HPCAL1: variants seen among roughly 807,000 people sequenced by gnomAD.
HPCAL1 encodes hippocalcin-like protein 1.
A neutral mutation model predicts 17.1 loss-of-function variants in HPCAL1; 8 were observed. That is an observed-to-expected ratio of 0.47 (90% CI 0.27 to 0.84). HPCAL1 has a LOEUF of 0.84. HPCAL1 is among the 40% of genes least tolerant of loss of function. HPCAL1 has a pLI of 0.13. For missense variants in HPCAL1, 165 were observed against 271.1 expected (o/e 0.61, Z 2.75); for synonymous variants, 112 against 111.4 (o/e 1.01, Z -0.03).
chr2:10,323,620 G>C lies in HPCAL1; in HGVS notation c.-111+20443G>C, dbSNP rs1156771251. 6.6e-6 allele frequency among the ~76,000 whole-genome samples: 1 copy of C among 152,224 alleles called. No individual in the cohort carries two copies. The highest frequency in any genetic ancestry group is 1.5e-5 in the Non-Finnish European group (1 of 68,044). ...CCCAGTGGTGTACTACCTTAGGTAA[G>C]CACCAGTTGCGCCTCACTCTAATGA... On this transcript the variant is annotated intron_variant, in intron 1 of 4. Transcript: ENST00000307845. This position sits in a 1 kb window ranked among gnomAD's most constrained non-coding sequence, Gnocchi z 4.6.
Position 10,323,362 on chromosome 2 carries a change from A to C in HPCAL1, c.-111+20185A>C, listed in dbSNP as rs1224065505. ...CCTTTCAGGGGGAATGGCGTAAAAA[A>C]GCCTTCCTTTCCAGTAGACAGAGTG... On this transcript the variant is annotated intron_variant, in intron 1 of 4. Coordinates refer to ENST00000307845, the MANE Select transcript of HPCAL1 (RefSeq NM_002149.4). The surrounding 1 kb of genome is among the most constrained non-coding windows in gnomAD (Gnocchi z 4.6). 1.3e-5 allele frequency among the ~76,000 whole-genome samples: 2 copies of C among 152,220 alleles called. No homozygotes were observed. Among genetic ancestry groups the C allele is most frequent in the Non-Finnish European group, 2.9e-5 (2 of 68,036 alleles).
chr2:10,383,103 C>T (rs775059019), intron 1 of HPCAL1, among the ~76,000 whole-genome samples: 4 of 152,202 alleles, frequency 2.6e-5, no homozygotes, highest in East Asian at 3.9e-4. Flanking sequence ...CTGGGCGCGG[C>T]GGCTCATGCC....
chr2:10,316,579 T>A (rs1572623129), intron 1 of HPCAL1, among the ~76,000 whole-genome samples: 4 of 152,182 alleles, frequency 2.6e-5, no homozygotes. Flanking sequence ...TTTTCAGAGG[T>A]TTAATCTGTT....
Position 10,343,249 on chromosome 2 carries a change from T to G in HPCAL1, c.-111+40072T>G, listed in dbSNP as rs898669433. Among the ~76,000 whole-genome samples the G allele has an allele frequency of 6.6e-6, 1 of 152,116 alleles. No homozygotes were observed. Among genetic ancestry groups the G allele is most frequent in the African/African-American group, 2.4e-5 (1 of 41,410 alleles). ...TAGCACACCATGGAGGCCTGCCCCG[T>G]CCCCATAAAACACACCACATTCAAA... On this transcript the variant is annotated intron_variant, in intron 1 of 4. Coordinates refer to ENST00000307845, the MANE Select transcript of HPCAL1 (RefSeq NM_002149.4). The surrounding 1 kb of genome is among the most constrained non-coding windows in gnomAD (Gnocchi z 4.8).
At position 10,384,750 on chromosome 2, in the gene HPCAL1, T is replaced by C. The variant is rs186516318; in HGVS notation, c.-110-12085T>C. ...GCAGTGGCAGCCGGGGCTGGCACTTTTAAAGAAAGCCTCAAGACTTCTCTT... is the reference window on the plus strand; with the variant it reads ...GCAGTGGCAGCCGGGGCTGGCACTTCTAAAGAAAGCCTCAAGACTTCTCTT... On this transcript the variant is annotated intron_variant, in intron 1 of 4. Transcript: ENST00000307845. This position sits in a 1 kb window ranked among gnomAD's most constrained non-coding sequence, Gnocchi z 4.4. 2.6e-5 allele frequency among the ~76,000 whole-genome samples: 4 copies of C among 152,278 alleles called. No individual in the cohort carries two copies. The highest frequency in any genetic ancestry group is 1.3e-4 in the Admixed American group (2 of 15,306).
intron 1 of HPCAL1, among the ~76,000 whole-genome samples, chr2:10,340,425 G>A (rs1409566369): frequency 6.6e-6 from 1 of 152,186 alleles, no homozygotes; most frequent in African/African-American, 2.4e-5. Flanking sequence ...GACTGGTGGT[G>A]GAATGTTCTA....
rs551930690 is a variant in HPCAL1 at position 10,340,636 on chromosome 2, G to A, written c.-111+37459G>A. 2.0e-5 allele frequency among the ~76,000 whole-genome samples: 3 copies of A among 152,196 alleles called. No individual in the cohort carries two copies. The East Asian group carries it at 5.8e-4, about 29-fold the overall frequency. ...AGTCTGTAAGCGGCAGAGCTGGGAC[G>A]CAACCCCAAGCTTGCTGCTCTCAAA... On this transcript the variant is annotated intron_variant, in intron 1 of 4. Transcript: ENST00000307845.
At chr2:10,308,420 T>C (rs1663458128) in intron 1 of HPCAL1, among the ~76,000 whole-genome samples, 1 of 152,168 alleles carries the variant, frequency 6.6e-6, no homozygotes, top group Non-Finnish European at 1.5e-5. Flanking sequence ...ACAAACTCCC[T>C]GTCCCCGTCC....
intron 3 of HPCAL1, among the ~76,000 whole-genome samples, chr2:10,421,422 C>T (rs1671056580): frequency 6.6e-6 from 1 of 152,156 alleles, no homozygotes; most frequent in African/African-American, 2.4e-5. Flanking sequence ...GCATCCAATT[C>T]TAGAACTCAT....
At chr2:10,416,983 A>G (rs1670713306) in intron 2 of HPCAL1, among the ~76,000 whole-genome samples, 1 of 152,206 alleles carries the variant, frequency 6.6e-6, no homozygotes, top group Non-Finnish European at 1.5e-5. Flanking sequence ...GGCAAACTGC[A>G]GTTGGAGAGG....
intron 2 of HPCAL1, among the ~76,000 whole-genome samples, chr2:10,399,477 A>C (rs1391614703): frequency 7.5e-6 from 1 of 132,868 alleles, no homozygotes; most frequent in African/African-American, 2.8e-5. Flanking sequence ...CACCATCATC[A>C]CCACCATCAC....
intron 4 of HPCAL1, chr2:10,423,813 C>T (rs1001968598): frequency 6.5e-6 from 1 of 152,778 alleles, no homozygotes; most frequent in Non-Finnish European, 1.5e-5. Context: ...AAAATACAGG[C>T]TGGGCGCAGT....
intron 1 of HPCAL1, among the ~76,000 whole-genome samples, chr2:10,370,415 A>G (rs556478786): frequency 1.6e-4 from 25 of 152,346 alleles, no homozygotes; most frequent in African/African-American, 5.8e-4. Flanking sequence ...GTTCCAACCC[A>G]TACAAGCCCT....
At chr2:10,315,528 C>G (rs956592074) in intron 1 of HPCAL1, among the ~76,000 whole-genome samples, 10 of 152,152 alleles carry the variant, frequency 6.6e-5, no homozygotes, top group African/African-American at 2.4e-4. Context: ...ACTCCAAATA[C>G]CCATCCTTTA....
chr2:10,405,307 A>G (rs920599625), intron 2 of HPCAL1, among the ~76,000 whole-genome samples: 1 of 152,198 alleles, frequency 6.6e-6, no homozygotes, highest in African/African-American at 2.4e-5. Flanking sequence ...TCAATTTTAC[A>G]GAGGAGCAAA....
At position 10,359,275 on chromosome 2, in the gene HPCAL1, G is replaced by A. The variant is rs908684646; in HGVS notation, c.-110-37560G>A. On this transcript the variant is annotated intron_variant, in intron 1 of 4. Coordinates refer to ENST00000307845, the MANE Select transcript of HPCAL1 (RefSeq NM_002149.4). The surrounding 1 kb of genome is among the most constrained non-coding windows in gnomAD (Gnocchi z 4.1). ...GCCTATGTTTGCTGCGGGCTGGCTCGGCGAGGGGGAGGTGGGCAGCTGGGG... is the reference window on the plus strand; with the variant it reads ...GCCTATGTTTGCTGCGGGCTGGCTCAGCGAGGGGGAGGTGGGCAGCTGGGG... 4.6e-5 allele frequency among the ~76,000 whole-genome samples: 7 copies of A among 152,158 alleles called. No individual in the cohort carries two copies. Among genetic ancestry groups the A allele is most frequent in the Non-Finnish European group, 1.0e-4 (7 of 68,014 alleles).
At chr2:10,340,365 G>A (rs548504958) in intron 1 of HPCAL1, among the ~76,000 whole-genome samples, 2 of 152,336 alleles carry the variant, frequency 1.3e-5, no homozygotes, top group South Asian at 4.1e-4. Flanking sequence ...AGTATTGTAG[G>A]ACCTGTTGCT....
chr2:10,412,065 C>T (rs115451379), intron 2 of HPCAL1, among the ~76,000 whole-genome samples: 2,277 of 152,298 alleles, frequency 0.015, 44 homozygotes, highest in African/African-American at 0.053. Flanking sequence ...GAAGCAAGTG[C>T]CAACCTTTGC....
rs1182667250 is a variant in HPCAL1, at chr2:10,362,196, C to T, written c.-110-34639C>T. Among the ~76,000 whole-genome samples the T allele has an allele frequency of 1.3e-5, 2 of 152,148 alleles. No individual in the cohort carries two copies. The highest frequency in any genetic ancestry group is 2.9e-5 in the Non-Finnish European group (2 of 68,048). ...CATTGCATCCAGTTTGCTCTGCCAG[C>T]GAGTCAATTGAGCATTTGGAGCATT... On this transcript the variant is annotated intron_variant, in intron 1 of 4. Coordinates refer to ENST00000307845, the MANE Select transcript of HPCAL1 (RefSeq NM_002149.4). This position sits in a 1 kb window ranked among gnomAD's most constrained non-coding sequence, Gnocchi z 5.0.
Sources: allele counts gnomAD v4.1 joint callset (sites outside exome capture counted in the v4.1 genomes callset), GRCh38; gene constraint gnomAD v4.1.1; non-coding constraint Gnocchi (gnomAD v3.1); transcripts MANE v1.5; gene names NCBI Gene and HGNC (gene_info 2026-07-23, HGNC 2026-07-21).